TSPEAR: variants seen among roughly 807,000 people sequenced by gnomAD.
The protein encoded by TSPEAR is thrombospondin type laminin G domain and EAR repeats, also known as thrombospondin-type laminin G domain and EAR repeat-containing protein.
In TSPEAR, 69 loss-of-function variants were observed where a neutral mutation model predicts 71.6. The ratio of observed to expected loss-of-function variants is 0.96; its 90% confidence interval spans 0.79 to 1.18. The LOEUF is 1.18. Ranked by LOEUF, TSPEAR falls within the 50% of genes most tolerant of loss-of-function variation. TSPEAR has a pLI of 0.00. For synonymous variants in TSPEAR, 402 were observed against 387.2 expected (o/e 1.04, Z -0.45); for missense variants, 971 against 894.9 (o/e 1.09, Z -1.09).
In TSPEAR at chr21:44,623,948, T is replaced by C. The variant is rs1281508355; in HGVS notation, c.83-55943A>G. On this transcript the variant is annotated intron_variant, in intron 1 of 11. Coordinates refer to ENST00000323084, the MANE Select transcript of TSPEAR (RefSeq NM_144991.3). The surrounding 1 kb of genome is among the most constrained non-coding windows in gnomAD (Gnocchi z 4.5). The stretch of plus-strand genomic sequence containing the variant: ...TGCTTTTTGCATCTATGGGTTAATG[T>C]TTTTCATCACTTTAAACTTCTTGTC... Among the ~76,000 whole-genome samples the C allele has an allele frequency of 6.6e-6, 1 of 152,236 alleles. No individual in the cohort carries two copies. The highest frequency in any genetic ancestry group is 1.5e-5 in the Non-Finnish European group (1 of 68,042).
intron 9 of TSPEAR, chr21:44,517,886 G>A (rs1555913701): frequency 2.1e-6 from 1 of 470,976 alleles, no homozygotes; most frequent in East Asian, 6.9e-5. Flanking sequence ...CTTTCAGTCT[G>A]ATGAGATCTG....
At chr21:44,647,152 A>C in intron 1 of TSPEAR, 1 of 1,613,908 alleles carries the variant, frequency 6.2e-7, no homozygotes, top group East Asian at 2.2e-5. Context: ...CTCCTGCTGC[A>C]GACCCTCCTC....
At chr21:44,558,113 G>T in intron 2 of TSPEAR, 1 of 1,611,952 alleles carries the variant, frequency 6.2e-7, no homozygotes, top group Non-Finnish European at 8.5e-7. Flanking sequence ...GGGAGCACGT[G>T]GGGCGGCAGA....
intron 1 of TSPEAR, among the ~76,000 whole-genome samples, chr21:44,576,359 T>C (rs1601436594): frequency 1.4e-5 from 2 of 146,664 alleles, no homozygotes; most frequent in African/African-American, 5.1e-5. Context: ...CCAGGGTGGG[T>C]GAGGGGGCAA....
chr21:44,702,837 C>A (rs1275938367), intron 1 of TSPEAR: 3 of 987,756 alleles, frequency 3.0e-6, no homozygotes, highest in Non-Finnish European at 3.1e-6. Flanking sequence ...GGCTCAGGTT[C>A]CCCCCAACCT....
intron 1 of TSPEAR, among the ~76,000 whole-genome samples, chr21:44,602,434 C>A (rs1981010492): frequency 6.6e-6 from 1 of 152,230 alleles, no homozygotes; most frequent in Non-Finnish European, 1.5e-5. Context: ...GTGTCCAGCC[C>A]CTGGCTCCAG....
intron 1 of TSPEAR, among the ~76,000 whole-genome samples, chr21:44,598,425 G>A (rs57159836): frequency 6.6e-6 from 1 of 152,150 alleles, no homozygotes; most frequent in East Asian, 1.9e-4. Flanking sequence ...ACACCCTCCT[G>A]CACAGACATA....
chr21:44,660,445 A>T (rs1033321475), intron 1 of TSPEAR, among the ~76,000 whole-genome samples: 5 of 152,246 alleles, frequency 3.3e-5, no homozygotes, highest in Non-Finnish European at 5.9e-5. Flanking sequence ...TCAGACTTCT[A>T]ATCAGAAATC....
At position 44,527,394 on chromosome 21, in the gene TSPEAR, G is replaced by A. The variant is rs782629316; in HGVS notation, c.1047C>T (p.Ala349=). 6.2e-6 allele frequency: 10 copies of A among 1,614,098 alleles called. No homozygotes were observed. Among genetic ancestry groups the A allele is most frequent in the Admixed American group, 1.7e-5 (1 of 60,014 alleles). The change falls in exon 7 of 12, where the codon GCC becomes GCT. Residue 349 remains alanine (A), a synonymous_variant. Transcript: ENST00000323084. ...CGGTCCACTTGTAGACGGCGGATGT[G>A]GCTTTGCGATTGGCTGTGGCCACAA... The part of the protein sequence containing the change: ...GLFVATANRK[A]TSAVYKWTEE...
chr21:44,701,202 C>T (rs566663279), intron 1 of TSPEAR, among the ~76,000 whole-genome samples: 1 of 152,320 alleles, frequency 6.6e-6, no homozygotes, highest in African/African-American at 2.4e-5. Context: ...GCGGAGTGGT[C>T]GGGCCGGGGT....
chr21:44,566,810 T>C (rs912985217), intron 2 of TSPEAR, among the ~76,000 whole-genome samples: 1 of 152,106 alleles, frequency 6.6e-6, no homozygotes, highest in African/African-American at 2.4e-5. Context: ...TGAATATCTA[T>C]ATACAAAAGA....
chr21:44,681,248 A>G (rs1555947880), intron 1 of TSPEAR, among the ~76,000 whole-genome samples: 1 of 152,250 alleles, frequency 6.6e-6, no homozygotes, highest in African/African-American at 2.4e-5. Flanking sequence ...CACCAACCAC[A>G]TGGGAAAGCC....
intron 1 of TSPEAR, among the ~76,000 whole-genome samples, chr21:44,658,651 A>G (rs1985313734): frequency 6.6e-6 from 1 of 152,196 alleles, no homozygotes; most frequent in Non-Finnish European, 1.5e-5. Context: ...GGCTGAGCTG[A>G]AGTGGAGGGT....
At chr21:44,540,935 AAC>A (rs1555917165) in intron 2 of TSPEAR, among the ~76,000 whole-genome samples, 1 of 152,170 alleles carries the variant, frequency 6.6e-6, no homozygotes, top group African/African-American at 2.4e-5. Flanking sequence ...GATGTGCTTC[AAC>A]CATAGATAAC....
In TSPEAR at chr21:44,540,117, C is replaced by A. The variant is rs782420165; in HGVS notation, c.304-6194G>T. 2 of 1,613,604 alleles carry A rather than the reference C, an allele frequency of 1.2e-6. No individual in the cohort carries two copies. The highest frequency in any genetic ancestry group is 3.3e-5 in the Admixed American group (2 of 59,996). ...TCCACCTGCCAGGAGTCGGAGCAAG[C>A]GCTGGAGCAGACGGACATGGTGGAC... is the stretch of plus-strand genomic sequence containing the variant. On this transcript the variant is annotated intron_variant, in intron 2 of 11. Transcript: ENST00000323084.
chr21:44,635,150 G>C (rs587698110), intron 1 of TSPEAR, among the ~76,000 whole-genome samples: 9 of 152,148 alleles, frequency 5.9e-5, no homozygotes, highest in Non-Finnish European at 1.3e-4. Context: ...TTCAAGACCA[G>C]CCTGGCCAAC....
intron 1 of TSPEAR, chr21:44,676,739 C>T (rs944207077): frequency 1.3e-5 from 10 of 791,792 alleles, no homozygotes; most frequent in South Asian, 2.7e-5. Flanking sequence ...ACTTCCTCTA[C>T]GTTTCTGTCC....
chr21:44,527,604 C>G (rs587705523), intron 6 of TSPEAR, 86 bp from the exon 7 acceptor site: 2 of 1,365,552 alleles, frequency 1.5e-6, no homozygotes, highest in South Asian at 1.2e-5. Context: ...TTCCCAAGCC[C>G]CAAGTCACAA....
chr21:44,609,124 A>G (rs587666288), intron 1 of TSPEAR, among the ~76,000 whole-genome samples: 25 of 152,342 alleles, frequency 1.6e-4, no homozygotes, highest in African/African-American at 5.8e-4. Flanking sequence ...AAAGAGTTCC[A>G]TAGAACACGC....
Sources: gnomAD v4.1 joint callset for allele counts (sites outside exome capture counted in the v4.1 genomes callset) on GRCh38, gnomAD v4.1.1 for gene constraint, Gnocchi (gnomAD v3.1) non-coding constraint, MANE v1.5 for transcripts, NCBI Gene and HGNC (gene_info 2026-07-23, HGNC 2026-07-21) for gene names.